The following PDE12 variants were observed in gnomAD, a reference collection of about 807,000 sequenced individuals.
PDE12 encodes the protein phosphodiesterase 12, also known as 2',5'-phosphodiesterase 12.
A neutral mutation model predicts 45.4 loss-of-function variants in PDE12; 26 were observed. That is an observed-to-expected ratio of 0.57 (90% CI 0.42 to 0.79). The LOEUF (loss-of-function observed/expected upper bound fraction) is 0.79, where lower values mean the gene tolerates loss of function less well. Among genes scored for constraint, PDE12 ranks in the 30% least tolerant of loss-of-function variants. PDE12 has a pLI of 0.00. For missense variants in PDE12, 668 were observed against 790.0 expected (o/e 0.85, Z 1.85); for synonymous variants, 283 against 323.9 (o/e 0.87, Z 1.36).
the PDE12 span, among the ~76,000 whole-genome samples, chr3:57,625,096 G>T: frequency 6.6e-6 from 1 of 152,058 alleles, no homozygotes; most frequent in Non-Finnish European, 1.5e-5. Flanking sequence ...TAGAGACGGG[G>T]TCTCACTTTG....
chr3:57,575,733 C>T, the PDE12 span: 1 of 1,528,722 alleles, frequency 6.5e-7, no homozygotes, highest in Non-Finnish European at 8.8e-7. Flanking sequence ...TTGAAAATGT[C>T]TTCCTATATA....
At chr3:57,587,319 CAAAA>C in the PDE12 span, among the ~76,000 whole-genome samples, 1 of 45,408 alleles carries the variant, frequency 2.2e-5, no homozygotes, top group Non-Finnish European at 4.7e-5. Context: ...AACTCAGTCT[CAAAA>C]AAAAAAAAAA....
At chr3:57,615,762 C>G in the PDE12 span, among the ~76,000 whole-genome samples, 1 of 151,910 alleles carries the variant, frequency 6.6e-6, no homozygotes, top group African/African-American at 2.4e-5. Context: ...CAAGATCATG[C>G]TACTGTACCC....
At chr3:57,616,458 G>T in the PDE12 span, among the ~76,000 whole-genome samples, 4 of 150,756 alleles carry the variant, frequency 2.7e-5, no homozygotes, top group African/African-American at 9.8e-5. Context: ...TGAAGAGTAG[G>T]AGGAGGAGAA....
At chr3:57,630,869 G>A in the PDE12 span, 47 of 1,610,380 alleles carry the variant, frequency 2.9e-5, no homozygotes, top group Non-Finnish European at 3.9e-5. Context: ...GAGTGGATAT[G>A]TTCACAGAAG....
the PDE12 span, among the ~76,000 whole-genome samples, chr3:57,649,943 C>T: frequency 2.8e-5 from 4 of 145,350 alleles, no homozygotes; most frequent in African/African-American, 5.3e-5. Context: ...ACACACACAC[C>T]GTGGAATACT....
rs1414844024 is a variant in PDE12, at chr3:57,561,083, C to G, written c.*1079C>G. 2 of 981,564 alleles carry G rather than the reference C, an allele frequency of 2.0e-6. No homozygotes were observed. The allele number at this position is 981,564 out of a possible 1,614,324, so 60.8% of individuals were successfully genotyped here. A position where few individuals can be genotyped will look rare whatever the true frequency, so the allele number is the denominator to read the frequency against. Reference sequence around the variant, plus strand: ...CTCATTTTAATTTTTAGGATGCAAGCACAATTTAGTATTCAAAGTGAGTAG... The same window carrying G: ...CTCATTTTAATTTTTAGGATGCAAGGACAATTTAGTATTCAAAGTGAGTAG... On this transcript the variant is annotated 3_prime_UTR_variant, in exon 3 of 3. Transcript: ENST00000311180.
the PDE12 span, among the ~76,000 whole-genome samples, chr3:57,624,965 T>C: frequency 6.6e-6 from 1 of 152,094 alleles, no homozygotes; most frequent in South Asian, 2.1e-4. Flanking sequence ...AGTGGTGTGA[T>C]TATGGCTCAC....
chr3:57,628,991 G>A, the PDE12 span: 6 of 941,224 alleles, frequency 6.4e-6, no homozygotes, highest in East Asian at 1.3e-4. Flanking sequence ...AGGAAAAGGA[G>A]AACAAAGTAT....
chr3:57,651,229 C>T, the PDE12 span, among the ~76,000 whole-genome samples: 1 of 152,224 alleles, frequency 6.6e-6, no homozygotes, highest in Non-Finnish European at 1.5e-5. Flanking sequence ...GACAGACTTA[C>T]CTCCAGATAA....
downstream of PDE12, among the ~76,000 whole-genome samples, chr3:57,567,818 C>T (rs1488401962): frequency 2.6e-5 from 4 of 151,924 alleles, no homozygotes; most frequent in Admixed American, 1.3e-4. Flanking sequence ...AGCACTTGGC[C>T]GGATGCGGTG....
the PDE12 span, chr3:57,630,296 TAGAAA>T: frequency 2.5e-6 from 2 of 788,826 alleles, no homozygotes; most frequent in Non-Finnish European, 3.8e-6. Flanking sequence ...GCACATGATC[TAGAAA>T]AGTTAGTCAT....
the PDE12 span, among the ~76,000 whole-genome samples, chr3:57,632,148 C>T: frequency 6.6e-6 from 1 of 150,790 alleles, no homozygotes; most frequent in Non-Finnish European, 1.5e-5. Flanking sequence ...GCCTCTAGAG[C>T]AGCTGGGACT....
chr3:57,614,537 G>GTTTT, the PDE12 span, among the ~76,000 whole-genome samples: 39 of 95,060 alleles, frequency 4.1e-4, 2 homozygotes, highest in East Asian at 8.9e-4. Context: ...TTTTTTTTTT[G>GTTTT]TTTTTTGTTT....
the PDE12 span, among the ~76,000 whole-genome samples, chr3:57,579,253 C>CAAAAAAAA: frequency 1.7e-4 from 8 of 47,578 alleles, no homozygotes; most frequent in South Asian, 1.4e-3. Flanking sequence ...AACTACATCT[C>CAAAAAAAA]AAAAAAAAAA....
rs2069742367 is a variant in PDE12, at chr3:57,562,979, A to G, written c.*2975A>G. ...CCTAATACAAGGGAGAGAATGTCCA[A>G]AGAACACTACTGTGGAAAGTTCTTA... On this transcript the variant is annotated 3_prime_UTR_variant, in exon 3 of 3. Transcript: ENST00000311180. 1 of 152,190 alleles carries G rather than the reference A, an allele frequency of 6.6e-6. No individual in the cohort carries two copies. Among genetic ancestry groups the G allele is most frequent in the African/African-American group, 2.4e-5 (1 of 41,462 alleles). The allele number at this position is 152,190 out of a possible 1,614,324, so 9.4% of individuals were successfully genotyped here. A position where few individuals can be genotyped will look rare whatever the true frequency, so the allele number is the denominator to read the frequency against.
At chr3:57,609,878 A>G in the PDE12 span, among the ~76,000 whole-genome samples, 1 of 152,210 alleles carries the variant, frequency 6.6e-6, no homozygotes, top group Non-Finnish European at 1.5e-5. Flanking sequence ...TCCATAACTC[A>G]TTTTATGAGG....
rs1302074390 is a variant in PDE12, at chr3:57,563,552, G to C, written c.*3548G>C. On this transcript the variant is annotated 3_prime_UTR_variant, in exon 3 of 3. Coordinates refer to ENST00000311180, the MANE Select transcript of PDE12 (RefSeq NM_177966.7). ...CAAATAAAAAATATTTCAGTGTTTT[G>C]AGAATTTTAATAATTTGCTTAATAT... 6.6e-6 allele frequency: 1 copy of C among 152,038 alleles called. No individual in the cohort carries two copies. The highest frequency in any genetic ancestry group is 1.5e-5 in the Non-Finnish European group (1 of 68,024). The allele number at this position is 152,038 out of a possible 1,614,324, so 9.4% of individuals were successfully genotyped here. A position where few individuals can be genotyped will look rare whatever the true frequency, so the allele number is the denominator to read the frequency against.
chr3:57,647,105 G>A, the PDE12 span, among the ~76,000 whole-genome samples: 1 of 152,048 alleles, frequency 6.6e-6, no homozygotes, highest in Non-Finnish European at 1.5e-5. Flanking sequence ...AGTAGATTAG[G>A]GGGGAAAATC....
Sources: gnomAD v4.1 joint callset for allele counts (sites outside exome capture counted in the v4.1 genomes callset) on GRCh38, gnomAD v4.1.1 for gene constraint, MANE v1.5 for transcripts, NCBI Gene and HGNC (gene_info 2026-07-23, HGNC 2026-07-21) for gene names.